Variants in TCF20 observed in about 807,000 individuals in gnomAD.
TCF20 encodes the protein SPRE-binding protein.
A neutral mutation model predicts 148.6 loss-of-function variants in TCF20; 3 were observed. The observed-to-expected ratio is 0.02, with a 90% CI of 0.01 to 0.05. The LOEUF (loss-of-function observed/expected upper bound fraction) is 0.05, where lower values mean the gene tolerates loss of function less well. Among genes scored for constraint, TCF20 ranks in the 10% least tolerant of loss-of-function variants. TCF20 has a pLI of 1.00. For missense variants in TCF20, 2,350 were observed against 2,429.3 expected (o/e 0.97, Z 0.69); for synonymous variants, 1,049 against 909.5 (o/e 1.15, Z -2.76).
intron 1 of TCF20, among the ~76,000 whole-genome samples, chr22:42,304,341 G>A (rs1172823896): frequency 6.6e-6 from 1 of 152,224 alleles, no homozygotes. Flanking sequence ...CCAACAGGGT[G>A]GTGAGCACAG....
intron 1 of TCF20, among the ~76,000 whole-genome samples, chr22:42,254,413 T>C (rs1316967973): frequency 6.6e-6 from 1 of 152,220 alleles, no homozygotes; most frequent in Non-Finnish European, 1.5e-5. Context: ...AAATTAAACA[T>C]TCACACAGGG....
At chr22:42,244,525 G>T in intron 1 of TCF20, among the ~76,000 whole-genome samples, 1 of 152,156 alleles carries the variant, frequency 6.6e-6, no homozygotes, top group Non-Finnish European at 1.5e-5. Context: ...CTAAGTGAAA[G>T]AAGTCAGACA....
At chr22:42,186,331 GC>G (rs1198025590) in intron 2 of TCF20, among the ~76,000 whole-genome samples, 3 of 152,294 alleles carry the variant, frequency 2.0e-5, no homozygotes, top group South Asian at 2.1e-4. Flanking sequence ...AACAGTATTT[GC>G]TTTGCCTTCT....
chr22:42,280,632 C>T (rs969782888), intron 1 of TCF20, among the ~76,000 whole-genome samples: 4 of 152,232 alleles, frequency 2.6e-5, no homozygotes, highest in Middle Eastern at 6.3e-3. Flanking sequence ...GCAGTCAGTG[C>T]TCCTCAGTCT....
chr22:42,213,620 T>A lies in TCF20; in HGVS notation c.1686A>T (p.Gln562His). 6.2e-7 allele frequency: 1 copy of A among 1,614,154 alleles called. No homozygotes were observed. The highest frequency in any genetic ancestry group is 8.5e-7 in the Non-Finnish European group (1 of 1,180,038). ...ASEKAGSSPAQGAQNEPPRLN... is the reference protein window; with the variant it reads ...ASEKAGSSPAHGAQNEPPRLN... ...GTCTGGGGGGTTCATTCTGAGCACCTTGTGCCGGTGAGGAGCCAGCTTTCT... is the reference window on the plus strand; with the variant it reads ...GTCTGGGGGGTTCATTCTGAGCACCATGTGCCGGTGAGGAGCCAGCTTTCT... Residue 562 changes from glutamine (Q) to histidine (H), a missense_variant, in exon 2 of 6, where the codon CAA becomes CAT. Gln to His is a conservative substitution (Grantham distance 24). Coordinates refer to ENST00000677622, the MANE Select transcript of TCF20 (RefSeq NM_001378418.1).
chr22:42,278,295 G>A (rs747386810), intron 1 of TCF20: 6 of 152,356 alleles, frequency 3.9e-5, no homozygotes, highest in Non-Finnish European at 8.8e-5. Flanking sequence ...TCTGAGCTGG[G>A]TAGTTACTGC....
intron 1 of TCF20, among the ~76,000 whole-genome samples, chr22:42,302,596 G>A (rs73169161): frequency 0.011 from 1,734 of 152,166 alleles, 21 homozygotes; most frequent in Non-Finnish European, 0.015. Context: ...TTTCATCCCT[G>A]TCCTTGCTTG....
At chr22:42,321,647 T>C (rs1927734554) in intron 1 of TCF20, among the ~76,000 whole-genome samples, 1 of 151,808 alleles carries the variant, frequency 6.6e-6, no homozygotes. Context: ...AGCTTCTTCA[T>C]GTAAAACAGG....
intron 1 of TCF20, among the ~76,000 whole-genome samples, chr22:42,257,675 G>T (rs193153845): frequency 6.6e-6 from 1 of 152,180 alleles, no homozygotes; most frequent in Non-Finnish European, 1.5e-5. Context: ...AAAATATTCT[G>T]CAAGTCTTTT....
intron 1 of TCF20, among the ~76,000 whole-genome samples, chr22:42,226,835 C>T (rs894688202): frequency 1.3e-5 from 2 of 151,990 alleles, no homozygotes; most frequent in Non-Finnish European, 2.9e-5. Context: ...CTGAACAACC[C>T]AAAAAAGCTC....
chr22:42,252,289 A>G, intron 1 of TCF20, among the ~76,000 whole-genome samples: 1 of 151,766 alleles, frequency 6.6e-6, no homozygotes, highest in Non-Finnish European at 1.5e-5. Context: ...TCTCAAAAAA[A>G]AAAAGAAAAA....
chr22:42,276,438 A>T (rs1926780727), intron 1 of TCF20: 1 of 152,202 alleles, frequency 6.6e-6, no homozygotes, highest in Non-Finnish European at 1.5e-5. Context: ...ATTTGTCCTC[A>T]GGTCCTCAAG....
intron 1 of TCF20, among the ~76,000 whole-genome samples, chr22:42,241,120 T>G (rs1924361969): frequency 1.3e-5 from 2 of 152,222 alleles, no homozygotes; most frequent in African/African-American, 4.8e-5. Flanking sequence ...TCTCCCAAAG[T>G]GCTCTGGGAT....
chr22:42,234,472 G>A (rs1021579341), intron 1 of TCF20, among the ~76,000 whole-genome samples: 5 of 152,178 alleles, frequency 3.3e-5, no homozygotes, highest in African/African-American at 1.2e-4. Context: ...TTGTCTGGAC[G>A]ATTAATTCCT....
intron 1 of TCF20, among the ~76,000 whole-genome samples, chr22:42,223,362 T>C (rs1922558666): frequency 6.6e-6 from 1 of 152,202 alleles, no homozygotes; most frequent in Non-Finnish European, 1.5e-5. Flanking sequence ...TAACCCTTTC[T>C]TTCACTGTAC....
At chr22:42,285,349 C>T (rs1927008547), upstream of TCF20, among the ~76,000 whole-genome samples, 1 of 152,008 alleles carries the variant, frequency 6.6e-6, no homozygotes, top group African/African-American at 2.4e-5. This position sits in a 1 kb window ranked among gnomAD's most constrained non-coding sequence, Gnocchi z 4.2. Context: ...AGGCAGCTCC[C>T]ACCGACTATA....
chr22:42,193,909 G>A (rs956472379), intron 2 of TCF20, among the ~76,000 whole-genome samples: 5 of 152,116 alleles, frequency 3.3e-5, no homozygotes, highest in South Asian at 2.1e-4. Flanking sequence ...TGTGGTGGTC[G>A]TATAATAAAA....
chr22:42,343,520 C>G (rs907083689), exon 1 of TCF20: 2 of 147,620 alleles, frequency 1.4e-5, no homozygotes, highest in African/African-American at 2.5e-5. Flanking sequence ...CAGGAGAGCC[C>G]GGGCAGCGGG....
intron 1 of TCF20, among the ~76,000 whole-genome samples, chr22:42,242,382 T>C (rs890918286): frequency 2.0e-5 from 3 of 151,670 alleles, no homozygotes; most frequent in Admixed American, 2.0e-4. Flanking sequence ...AGAATCTTGG[T>C]GAATACAAAA....
Sources: gnomAD v4.1 joint callset for allele counts (sites outside exome capture counted in the v4.1 genomes callset) on GRCh38, gnomAD v4.1.1 for gene constraint, Gnocchi (gnomAD v3.1) non-coding constraint, MANE v1.5 for transcripts, NCBI Gene and HGNC (gene_info 2026-07-23, HGNC 2026-07-21) for gene names.